The following CALCR variants were observed in gnomAD, a reference collection of about 807,000 sequenced individuals.
CALCR encodes the protein calcitonin receptor.
In CALCR, 47 loss-of-function variants were observed where a neutral mutation model predicts 59.5. The observed-to-expected ratio is 0.79, with a 90% CI of 0.63 to 1.01. The LOEUF is 1.01. Ranked by LOEUF, CALCR falls within the 50% of genes least tolerant of loss-of-function variation. The probability of loss-of-function intolerance (pLI) is 0.00; values close to 1 mark genes in which losing one functional copy is unlikely to be tolerated. For synonymous variants in CALCR, 213 were observed against 211.3 expected (o/e 1.01, Z -0.07); for missense variants, 566 against 597.1 (o/e 0.95, Z 0.54).
chr7:93,549,912 A>G (rs1262077027), intron 2 of CALCR, among the ~76,000 whole-genome samples: 1 of 152,190 alleles, frequency 6.6e-6, no homozygotes, highest in Non-Finnish European at 1.5e-5. Context: ...ACAAATAGGC[A>G]ATTCAGTTTC....
At chr7:93,435,836 A>T (rs538102670) in intron 12 of CALCR, 116 bp downstream of exon 12, 1 of 369,710 alleles carries the variant, frequency 2.7e-6, no homozygotes, top group Admixed American at 4.7e-5. Context: ...ATAAATAAAT[A>T]AATAAATAAA....
intron 2 of CALCR, among the ~76,000 whole-genome samples, chr7:93,517,221 G>GA (rs771274797): frequency 4.7e-5 from 7 of 150,334 alleles, no homozygotes; most frequent in Middle Eastern, 3.4e-3. Context: ...CCCAAACTTT[G>GA]AAAATGCTTC....
intron 2 of CALCR, among the ~76,000 whole-genome samples, chr7:93,548,150 G>A (rs550985543): frequency 2.0e-5 from 3 of 152,172 alleles, no homozygotes; most frequent in Non-Finnish European, 4.4e-5. Context: ...TGAGGTGTGC[G>A]GAGCTCTCTT....
At chr7:93,456,169 A>G (rs1241855880) in intron 8 of CALCR, among the ~76,000 whole-genome samples, 1 of 152,128 alleles carries the variant, frequency 6.6e-6, no homozygotes, top group Non-Finnish European at 1.5e-5. Flanking sequence ...AAGTTTTGTC[A>G]TTGTAGTTAT....
chr7:93,456,531 C>G (rs1244567829), intron 8 of CALCR, among the ~76,000 whole-genome samples: 1 of 151,940 alleles, frequency 6.6e-6, no homozygotes, highest in Non-Finnish European at 1.5e-5. Flanking sequence ...AGACTTGGCT[C>G]ATTGTGAGGG....
chr7:93,446,748 C>A (rs1460478624), intron 8 of CALCR, among the ~76,000 whole-genome samples: 1 of 151,910 alleles, frequency 6.6e-6, no homozygotes, highest in Non-Finnish European at 1.5e-5. Context: ...AAGGAAGTCA[C>A]TCAGATCAGA....
At chr7:93,476,911 G>A (rs1188469551) in intron 5 of CALCR, among the ~76,000 whole-genome samples, 2 of 151,918 alleles carry the variant, frequency 1.3e-5, no homozygotes, top group Non-Finnish European at 2.9e-5. Context: ...ATTCCCAGAA[G>A]TGGCTGGCCT....
intron 6 of CALCR, among the ~76,000 whole-genome samples, chr7:93,469,445 C>G (rs1800508673): frequency 6.6e-6 from 1 of 151,416 alleles, no homozygotes; most frequent in African/African-American, 2.4e-5. Flanking sequence ...TCCTAGTAAT[C>G]ACAGTCTTTC....
chr7:93,495,808 T>G, intron 2 of CALCR: 1 of 1,093,902 alleles, frequency 9.1e-7, no homozygotes. Flanking sequence ...TTGTGGCTGA[T>G]TTAGAACATG....
chr7:93,479,479 G>C lies in CALCR; in HGVS notation c.80C>G (p.Ser27Ter). The change falls in exon 4 of 14, where the codon TCA becomes TGA. Residue 27 changes from serine to a stop codon, truncating the protein, a stop_gained. Transcript: ENST00000426151. LOFTEE classifies it high-confidence loss of function. ...NHPTPILPAF[S>*]NQTYPTIEPK... ...CTCTATTGTTGGATAGGTTTGATTT[G>C]AAAAGGCAGGAAGAATTGGGGTTGG... 1 of 1,612,304 alleles carries C rather than the reference G, an allele frequency of 6.2e-7. No individual in the cohort carries two copies. Among genetic ancestry groups the C allele is most frequent in the Non-Finnish European group, 8.5e-7 (1 of 1,178,978 alleles).
At position 93,426,488 on chromosome 7, in the gene CALCR, A is replaced by G. The variant is rs1326581790; in HGVS notation, c.1293T>C (p.Ala431=). ...TTGGGATGTCGCCAGCCTCCGCAGC[A>G]GCGGCTGCAGCGCGAGCAGAGCGGT... is the stretch of plus-strand genomic sequence containing the variant. The part of the protein sequence containing the change: ...PSNRSARAAA[A]AAEAGDIPIY... The change falls in exon 14 of 14, where the codon GCT becomes GCC. Residue 431 remains alanine, a synonymous_variant. Coordinates refer to ENST00000426151, the MANE Select transcript of CALCR (RefSeq NM_001742.4). The G allele has an allele frequency of 9.3e-6, 15 of 1,613,518 alleles. No individual in the cohort carries two copies. Among genetic ancestry groups the G allele is most frequent in the Non-Finnish European group, 1.2e-5 (14 of 1,179,606 alleles).
At chr7:93,447,192 G>C (rs1263412202) in intron 8 of CALCR, among the ~76,000 whole-genome samples, 1 of 151,886 alleles carries the variant, frequency 6.6e-6, no homozygotes, top group Non-Finnish European at 1.5e-5. Context: ...TGCCCCAAAG[G>C]GCATTTATAA....
chr7:93,545,995 TA>T (rs1789275313), intron 2 of CALCR, among the ~76,000 whole-genome samples: 1 of 151,806 alleles, frequency 6.6e-6, no homozygotes, highest in African/African-American at 2.4e-5. Context: ...TGAAAGAAAA[TA>T]ACAAAAAAAA....
chr7:93,513,289 T>C (rs557087965), intron 2 of CALCR, among the ~76,000 whole-genome samples: 1 of 152,286 alleles, frequency 6.6e-6, no homozygotes, highest in East Asian at 1.9e-4. Context: ...TAAAGGAAGA[T>C]CATTTATGTA....
At chr7:93,443,486 T>C in intron 9 of CALCR, 118 bp downstream of exon 9, 1 of 919,178 alleles carries the variant, frequency 1.1e-6, no homozygotes, top group Non-Finnish European at 1.7e-6. Context: ...CTGTGTTCCA[T>C]CATTCCTTGA....
At chr7:93,458,574 G>A (rs1460239864) in intron 8 of CALCR, among the ~76,000 whole-genome samples, 2 of 152,124 alleles carry the variant, frequency 1.3e-5, no homozygotes, top group Non-Finnish European at 2.9e-5. Context: ...TCAGCTATGG[G>A]GACCATCAGT....
At chr7:93,440,631 A>G (rs1015708562) in intron 9 of CALCR, among the ~76,000 whole-genome samples, 1 of 151,958 alleles carries the variant, frequency 6.6e-6, no homozygotes, top group Non-Finnish European at 1.5e-5. Context: ...TTGGTTGACT[A>G]TCTTTCCAAA....
chr7:93,424,765 A>C lies in CALCR; in HGVS notation c.*1591T>G, dbSNP rs1272437036. The C allele has an allele frequency of 1.3e-5, 2 of 152,644 alleles. No individual in the cohort carries two copies. The highest frequency in any genetic ancestry group is 4.8e-5 in the African/African-American group (2 of 41,460). The allele number at this position is 152,644 out of a possible 1,614,324, so 9.5% of individuals were successfully genotyped here. A position where few individuals can be genotyped will look rare whatever the true frequency, so the allele number is the denominator to read the frequency against. On this transcript the variant is annotated 3_prime_UTR_variant, in exon 14 of 14. Coordinates refer to ENST00000426151, the MANE Select transcript of CALCR (RefSeq NM_001742.4). ...TTCCATGTTTGTAAACAAAAATAGA[A>C]CAATACTACATAACACTGTGATTGG...
chr7:93,565,095 T>G (rs767548323), intron 2 of CALCR, among the ~76,000 whole-genome samples: 2 of 152,236 alleles, frequency 1.3e-5, no homozygotes, highest in Non-Finnish European at 2.9e-5. Flanking sequence ...AGTACATTAA[T>G]GCACATATTT....
Sources: gnomAD v4.1 joint callset for allele counts (sites outside exome capture counted in the v4.1 genomes callset) on GRCh38, gnomAD v4.1.1 for gene constraint, MANE v1.5 for transcripts, NCBI Gene and HGNC (gene_info 2026-07-23, HGNC 2026-07-21) for gene names.